UMODL1: variants seen among roughly 807,000 people sequenced by gnomAD.
UMODL1 encodes the protein uromodulin-like 1.
A neutral mutation model predicts 136.3 loss-of-function variants in UMODL1; 128 were observed. The ratio of observed to expected loss-of-function variants is 0.94; its 90% CI spans 0.81 to 1.09. The LOEUF is 1.09. Among genes scored for constraint, UMODL1 ranks in the 50% least tolerant of loss-of-function variants. The pLI, the probability that UMODL1 is intolerant of heterozygous loss-of-function variation, is 0.00. For missense variants in UMODL1, 1,766 were observed against 1,725.6 expected, an observed-to-expected ratio of 1.02 and a Z score of -0.41; for synonymous variants, 721 against 720.0, an observed-to-expected ratio of 1.00 and a Z score of -0.02.
rs540800065 is a variant in UMODL1, at chr21:42,104,105, G to A, written c.1519+18G>A. ...CGTGCAAGGTATGGCCCAGCCACCC[G>A]CCCTGCTGCCTGGTGTCCTCCAGCT... On this transcript the variant is annotated intron_variant, in intron 9 of 22. Coordinates refer to ENST00000408910, the MANE Select transcript of UMODL1 (RefSeq NM_001004416.3). The A allele has an allele frequency of 8.8e-6, 14 of 1,593,642 alleles. No individual in the cohort carries two copies. Among genetic ancestry groups the A allele is most frequent in the African/African-American group, 1.3e-5 (1 of 74,754 alleles).
chr21:42,092,495 G>A (rs182625563), intron 6 of UMODL1, among the ~76,000 whole-genome samples: 73 of 152,066 alleles, frequency 4.8e-4, no homozygotes, highest in Admixed American at 3.8e-3. Flanking sequence ...GAAGAAGCCT[G>A]GTTTTCACCA....
chr21:42,073,597 G>A (rs1444496534), intron 1 of UMODL1, among the ~76,000 whole-genome samples: 1 of 152,186 alleles, frequency 6.6e-6, no homozygotes, highest in Non-Finnish European at 1.5e-5. Flanking sequence ...TCTGCCCAGA[G>A]CAAATCTGCA....
chr21:42,123,179 G>A lies in UMODL1; in HGVS notation c.3147+29G>A, dbSNP rs1057346943. The A allele has an allele frequency of 6.3e-7, 1 of 1,586,044 alleles. No individual in the cohort carries two copies. Among genetic ancestry groups the A allele is most frequent in the Non-Finnish European group, 8.6e-7 (1 of 1,163,174 alleles). On this transcript the variant is annotated intron_variant, in intron 17 of 22. Transcript: ENST00000408910. The surrounding 1 kb of genome is among the most constrained non-coding windows in gnomAD (Gnocchi z 4.4). The stretch of plus-strand genomic sequence containing the variant: ...AGACCAGGAGAGCCAGGCTCAGGAT[G>A]TACACTAGGGCGCAAGGGGCTCTAG...
At position 42,083,065 on chromosome 21, in the gene UMODL1, G is replaced by A. The variant is rs114123146; in HGVS notation, c.320-1019G>A. On this transcript the variant is annotated intron_variant, in intron 2 of 22. Coordinates refer to ENST00000408910, the MANE Select transcript of UMODL1 (RefSeq NM_001004416.3). ...TCTTTGCCTCCTGCAGAGGCTGGCC[G>A]CGTTTCTGTGTCTAGAGCTGCATCG... Among the ~76,000 whole-genome samples, 845 of 152,314 alleles carry A rather than the reference G, an allele frequency of 5.5e-3. 4 individuals are homozygous for A. The highest frequency in any genetic ancestry group is 0.011 in the African/African-American group (447 of 41,562).
intron 17 of UMODL1, among the ~76,000 whole-genome samples, chr21:42,124,721 C>T (rs1032937751): frequency 3.3e-5 from 5 of 152,048 alleles, no homozygotes; most frequent in Non-Finnish European, 5.9e-5. Flanking sequence ...GGTTCCTGGT[C>T]GTTGGCGGGA....
intron 14 of UMODL1, among the ~76,000 whole-genome samples, chr21:42,118,058 G>T (rs573689839): frequency 1.4e-4 from 21 of 152,270 alleles, no homozygotes; most frequent in African/African-American, 4.8e-4. Context: ...GTGGATGTCA[G>T]GAGGTGTTGG....
rs377170083 is a variant in UMODL1 at position 42,130,245 on chromosome 21, T to TGTGC, written c.3775+449_3775+450insTGCG. Among the ~76,000 whole-genome samples the TGTGC allele has an allele frequency of 3.4e-3, 524 of 151,966 alleles. 13 individuals are homozygous for TGTGC. The East Asian group carries it at 0.041, about 12-fold the overall frequency. ...ACGTGTGTGTGTGTGTGTGTGTGTG[T>TGTGC]GCGTGCACACGAATGTGCATGCACA... On this transcript the variant is annotated intron_variant, in intron 21 of 22. Transcript: ENST00000408910.
In UMODL1 at chr21:42,122,762, A is replaced by AC; in HGVS notation, c.2828-65dup. On this transcript the variant is annotated intron_variant, in intron 16 of 22. Transcript: ENST00000408910. The surrounding 1 kb of genome is among the most constrained non-coding windows in gnomAD (Gnocchi z 4.3). Reference sequence around the variant, plus strand: ...GCAGGGCAGCTCCAGTCTGCTCCTTACCCCTGCCCCTCCATGCCAACCCCA... The same window carrying AC: ...GCAGGGCAGCTCCAGTCTGCTCCTTACCCCCTGCCCCTCCATGCCAACCCCA... 1 of 1,482,104 alleles carries AC rather than the reference A, an allele frequency of 6.7e-7. No homozygotes were observed. The highest frequency in any genetic ancestry group is 1.4e-5 in the South Asian group (1 of 73,442). 91.8% of individuals were successfully genotyped at this position (1,482,104 alleles called of 1,614,324 possible).
At chr21:42,111,292 GC>G (rs1262521764) in intron 11 of UMODL1, 171 bp downstream of exon 11, 4 of 1,394,464 alleles carry the variant, frequency 2.9e-6, no homozygotes, top group Non-Finnish European at 3.8e-6. Context: ...ACCCCAGCCA[GC>G]GGAGCACCAG....
rs1021739913 is a variant in UMODL1, at chr21:42,141,166, A to G, written c.*22-930A>G. ...AATGGGGCCCAGAGAACTCAAGCCA[A>G]TCCTCCCAGGTCACCAGCAAAGCCC... On this transcript the variant is annotated intron_variant, in intron 22 of 22. Transcript: ENST00000408910. 9.8e-5 allele frequency among the ~76,000 whole-genome samples: 15 copies of G among 152,290 alleles called. No homozygotes were observed. The South Asian group carries it at 2.3e-3, about 23-fold the overall frequency.
intron 17 of UMODL1, among the ~76,000 whole-genome samples, chr21:42,124,946 G>T (rs1369790042): frequency 6.6e-6 from 1 of 152,156 alleles, no homozygotes; most frequent in Admixed American, 6.5e-5. Flanking sequence ...GCTCGGCAGG[G>T]TCCATGGGAG....
At chr21:42,093,858 C>G (rs1324095130) in intron 6 of UMODL1, 1 of 456,564 alleles carries the variant, frequency 2.2e-6, no homozygotes, top group Non-Finnish European at 4.4e-6. Context: ...GAGAACACTC[C>G]TGTACCCCGC....
rs200550291 is a variant in UMODL1 at position 42,122,948 on chromosome 21, G to T, written c.2945G>T (p.Arg982Leu). 23 of 1,613,890 alleles carry T rather than the reference G, an allele frequency of 1.4e-5. No homozygotes were observed. Among genetic ancestry groups the T allele is most frequent in the Non-Finnish European group, 1.8e-5 (21 of 1,180,042 alleles). The change falls in exon 17 of 23, where the codon CGG (arginine) becomes CTG (leucine). Residue 982 changes from arginine (R) to leucine (L), a missense_variant. Physicochemically the swap from Arg to Leu is moderately radical, Grantham distance 102 (BLOSUM62 -2). Transcript: ENST00000408910. The surrounding 1 kb of genome is among the most constrained non-coding windows in gnomAD (Gnocchi z 4.3). ...TSPTPQGLPQ[R>L]LNLTGAVRVL... ...CCCACCCCCCAAGGCCTGCCCCAGCGGCTGAACCTGACCGGAGCAGTCAGG... is the reference window on the plus strand; with the variant it reads ...CCCACCCCCCAAGGCCTGCCCCAGCTGCTGAACCTGACCGGAGCAGTCAGG...
In UMODL1 at chr21:42,122,657, G is replaced by A. The variant is rs2066990348; in HGVS notation, c.2828-174G>A. ...CGTGTGTGTACGTGTGTGTGCATAT[G>A]TGTGCGTGTGTGTGTGTGTGTGTGC... On this transcript the variant is annotated intron_variant, in intron 16 of 22. Transcript: ENST00000408910. The surrounding 1 kb of genome is among the most constrained non-coding windows in gnomAD (Gnocchi z 4.3). Among the ~76,000 whole-genome samples, 2 of 130,218 alleles carry A rather than the reference G, an allele frequency of 1.5e-5. No homozygotes were observed. The highest frequency in any genetic ancestry group is 7.5e-5 in the Admixed American group (1 of 13,308). 85.4% of individuals were successfully genotyped at this position (130,218 alleles called of 152,430 possible). A position where few individuals can be genotyped will look rare whatever the true frequency, so the allele number is the denominator to read the frequency against.
intron 10 of UMODL1, among the ~76,000 whole-genome samples, 158 bp from the exon 11 acceptor site, chr21:42,110,722 C>T (rs2066808712): frequency 6.6e-6 from 1 of 152,176 alleles, no homozygotes; most frequent in African/African-American, 2.4e-5. Flanking sequence ...AACATGGGCC[C>T]AGGAAACACT....
chr21:42,126,736 G>T (rs1037451667), intron 18 of UMODL1, among the ~76,000 whole-genome samples: 9 of 152,138 alleles, frequency 5.9e-5, no homozygotes, highest in African/African-American at 2.2e-4. Flanking sequence ...CTGGCAGGCC[G>T]CCACCCAAGC....
Position 42,099,045 on chromosome 21 carries a change from G to T in UMODL1, c.1051G>T (p.Glu351Ter), listed in dbSNP as rs1176186552. The T allele has an allele frequency of 1.9e-6, 3 of 1,614,096 alleles. No homozygotes were observed. The highest frequency in any genetic ancestry group is 1.3e-5 in the African/African-American group (1 of 74,924). ...TFHVRVYRGM[E>*]LLRSARTQSQ... is the part of the protein sequence containing the mutation. The stretch of plus-strand genomic sequence containing the variant: ...CCATGTCCGGGTTTACCGGGGTATG[G>T]AGTTGCTCAGGAGCGCCAGGACACA... Residue 351 changes from glutamate (E) to a stop codon, truncating the protein, a stop_gained, in exon 7 of 23, where the codon GAG becomes TAG. Transcript: ENST00000408910. LOFTEE classifies it high-confidence loss of function. This position sits in a 1 kb window ranked among gnomAD's most constrained non-coding sequence, Gnocchi z 4.1.
At chr21:42,084,775 A>T (rs1314762791) in intron 3 of UMODL1, among the ~76,000 whole-genome samples, 1 of 149,922 alleles carries the variant, frequency 6.7e-6, no homozygotes, top group African/African-American at 2.4e-5. Context: ...ATTATATATT[A>T]TAGCGTTAGT....
At position 42,122,870 on chromosome 21, in the gene UMODL1, A is replaced by T; in HGVS notation, c.2867A>T (p.Glu956Val). 6.2e-7 allele frequency: 1 copy of T among 1,608,484 alleles called. No individual in the cohort carries two copies. Among genetic ancestry groups the T allele is most frequent in the Admixed American group, 1.7e-5 (1 of 59,798 alleles). Residue 956 changes from glutamate to valine, a missense_variant, in exon 17 of 23, where the codon GAG becomes GTG. Transcript: ENST00000408910. The surrounding 1 kb of genome is among the most constrained non-coding windows in gnomAD (Gnocchi z 4.3). ...AATGAAACCTGGGCCACCAGCCCAG[A>T]GAGGCCTCTCACCACAGCAGGGACC... ...PGNETWATSP[E>V]RPLTTAGTKA...
Sources: allele counts gnomAD v4.1 joint callset (sites outside exome capture counted in the v4.1 genomes callset), GRCh38; gene constraint gnomAD v4.1.1; non-coding constraint Gnocchi (gnomAD v3.1); transcripts MANE v1.5; gene names NCBI Gene and HGNC (gene_info 2026-07-23, HGNC 2026-07-21).